The following NPHP4 variants were observed in gnomAD, a reference collection of about 807,000 sequenced individuals.
The protein encoded by NPHP4 is nephrocystin 4, also known as nephrocystin-4.
In NPHP4, 151 loss-of-function variants were observed where a neutral mutation model predicts 155.8. The ratio of observed to expected loss-of-function variants is 0.97; its 90% confidence interval spans 0.85 to 1.11. NPHP4 has a LOEUF of 1.11. Among genes scored for constraint, NPHP4 ranks in the 50% least tolerant of loss-of-function variants. The pLI is 0.00. For synonymous variants in NPHP4, 845 were observed against 816.8 expected, an observed-to-expected ratio of 1.03 and a Z score of -0.59; for missense variants, 1,956 against 1,925.7, an observed-to-expected ratio of 1.02 and a Z score of -0.29.
chr1:5,914,636 C>T (rs1645368369), intron 11 of NPHP4, among the ~76,000 whole-genome samples: 2 of 152,186 alleles, frequency 1.3e-5, no homozygotes, highest in Admixed American at 1.3e-4. Context: ...CTTTACTTTC[C>T]CACGTCCATA....
intron 20 of NPHP4, among the ~76,000 whole-genome samples, chr1:5,875,351 G>A (rs997610399): frequency 6.6e-6 from 1 of 152,148 alleles, no homozygotes; most frequent in Non-Finnish European, 1.5e-5. Flanking sequence ...CAGCATCCCT[G>A]CCTATTCCTG....
intron 1 of NPHP4, among the ~76,000 whole-genome samples, chr1:5,989,115 C>G (rs887223883): frequency 6.6e-6 from 1 of 152,182 alleles, no homozygotes; most frequent in Non-Finnish European, 1.5e-5. Context: ...ATGGCCCACA[C>G]TGAGCCATCA....
chr1:5,985,041 T>G (rs922075542), intron 2 of NPHP4, among the ~76,000 whole-genome samples: 7 of 152,136 alleles, frequency 4.6e-5, no homozygotes, highest in African/African-American at 1.7e-4. Flanking sequence ...GAAGTAAAGC[T>G]ACAAAAGCAG....
At chr1:5,879,916 T>G (rs1643083029) in intron 19 of NPHP4, among the ~76,000 whole-genome samples, 198 bp downstream of exon 19, 1 of 143,524 alleles carries the variant, frequency 7.0e-6, no homozygotes, top group African/African-American at 2.7e-5. Flanking sequence ...GCCTTCCACC[T>G]CTCACACGCC....
chr1:5,892,339 C>T lies in NPHP4; in HGVS notation c.2144-1311G>A, dbSNP rs1436267656. On this transcript the variant is annotated intron_variant, in intron 16 of 29. Transcript: ENST00000378156. This position sits in a 1 kb window ranked among gnomAD's most constrained non-coding sequence, Gnocchi z 4.5. ...GAGCCTAGACCAGGATGGCCCCGTG[C>T]CTAGCATGCTCCTGCCCCCCACTCC... 6.6e-6 allele frequency among the ~76,000 whole-genome samples: 1 copy of T among 152,092 alleles called. No individual in the cohort carries two copies. The highest frequency in any genetic ancestry group is 2.4e-5 in the African/African-American group (1 of 41,412).
In NPHP4 at chr1:5,907,165, T is replaced by C. The variant is rs1254495204; in HGVS notation, c.1561A>G (p.Arg521Gly). The C allele has an allele frequency of 1.9e-6, 3 of 1,589,334 alleles. No individual in the cohort carries two copies. The highest frequency in any genetic ancestry group is 2.6e-6 in the Non-Finnish European group (3 of 1,167,362). ...PRSPTQHCLARPTSQLPHGSQ... is the reference protein window; with the variant it reads ...PRSPTQHCLAGPTSQLPHGSQ... ...CCATGGGGTAGCTGTGAAGTAGGCC[T>C]GGCCAAGCAGTGCTGAGTCGGGGAC... is the stretch of plus-strand genomic sequence containing the variant. Residue 521 changes from arginine (R) to glycine (G), a missense_variant, in exon 13 of 30, where the codon AGG becomes GGG. Arg to Gly is a moderately radical substitution (Grantham distance 125). Coordinates refer to ENST00000378156, the MANE Select transcript of NPHP4 (RefSeq NM_015102.5).
rs764183442 is a variant in NPHP4 at position 5,887,382 on chromosome 1, CCAT to C, written c.2386_2388del (p.Met796del). The C allele has an allele frequency of 2.5e-6, 4 of 1,613,466 alleles. No individual in the cohort carries two copies. The highest frequency in any genetic ancestry group is 1.7e-5 in the Admixed American group (1 of 60,014). ...AACCCCAGCATGTCTCCACTCACCA[CCAT>C]GTTGTCCTGCTCGTATTCAGTTGCC... On this transcript the variant is annotated inframe_deletion, in exon 18 of 30. Transcript: ENST00000378156.
chr1:5,968,332 C>T (rs1208269526), intron 4 of NPHP4, among the ~76,000 whole-genome samples: 2 of 152,074 alleles, frequency 1.3e-5, no homozygotes, highest in Admixed American at 6.5e-5. Context: ...CCGGACACAG[C>T]GGCTCACGTC....
chr1:5,908,557 G>A (rs753733098), intron 12 of NPHP4, among the ~76,000 whole-genome samples: 9 of 152,222 alleles, frequency 5.9e-5, no homozygotes, highest in Non-Finnish European at 1.2e-4. Context: ...CGGGACTCCA[G>A]AACGGCAGCC....
At chr1:5,966,249 T>C (rs1651479429) in intron 5 of NPHP4, among the ~76,000 whole-genome samples, 1 of 152,108 alleles carries the variant, frequency 6.6e-6, no homozygotes, top group Admixed American at 6.5e-5. Context: ...TTTGACGTTT[T>C]GTTTTGTTTT....
At chr1:5,893,319 T>A (rs920602699) in intron 16 of NPHP4, among the ~76,000 whole-genome samples, 5 of 152,022 alleles carry the variant, frequency 3.3e-5, no homozygotes, top group African/African-American at 1.2e-4. Flanking sequence ...TGGCCCCGAA[T>A]GTCTGGTTGC....
chr1:5,988,981 G>A (rs912799555), intron 1 of NPHP4, among the ~76,000 whole-genome samples: 1 of 152,210 alleles, frequency 6.6e-6, no homozygotes, highest in Non-Finnish European at 1.5e-5. Flanking sequence ...TTTGTTCTCT[G>A]TGGGCTATTT....
At chr1:5,971,132 G>A (rs1652482605) in intron 3 of NPHP4, among the ~76,000 whole-genome samples, 1 of 152,176 alleles carries the variant, frequency 6.6e-6, no homozygotes, top group Admixed American at 6.5e-5. Flanking sequence ...CAGCCTAGAG[G>A]TCACCCTGAA....
chr1:5,971,128 A>G (rs1224536918), intron 3 of NPHP4, among the ~76,000 whole-genome samples: 1 of 152,246 alleles, frequency 6.6e-6, no homozygotes, highest in African/African-American at 2.4e-5. Flanking sequence ...CTGCCAGCCT[A>G]GAGGTCACCC....
At chr1:5,964,820 A>G (rs1404550774) in intron 5 of NPHP4, among the ~76,000 whole-genome samples, 1 of 149,802 alleles carries the variant, frequency 6.7e-6, no homozygotes, top group Non-Finnish European at 1.5e-5. Context: ...GGGATGGGGA[A>G]AGGAGACCTC....
rs1642374728 is a variant in NPHP4, at chr1:5,874,639, C to T, written c.3063G>A (p.Gln1021=). The T allele has an allele frequency of 1.2e-6, 2 of 1,612,080 alleles. No homozygotes were observed. The change falls in exon 22 of 30, where the codon CAG becomes CAA. Residue 1021 remains glutamine, a synonymous_variant. Coordinates refer to ENST00000378156, the MANE Select transcript of NPHP4 (RefSeq NM_015102.5). ...CAGCACCCTTGAAGTCCCTCCACTC[C>T]TGACTGTCCACGATGACGCTGGGGG... is the stretch of plus-strand genomic sequence containing the variant. ...NPELSVIVDS[Q]EWRDFKGAAG... is the part of the protein sequence containing the mutation.
At chr1:5,961,591 C>T (rs1650322328) in intron 6 of NPHP4, among the ~76,000 whole-genome samples, 1 of 152,124 alleles carries the variant, frequency 6.6e-6, no homozygotes, top group Non-Finnish European at 1.5e-5. Context: ...GGATGTGAGA[C>T]ACTATTTAGG....
At chr1:5,940,717 C>A (rs895955547) in intron 9 of NPHP4, among the ~76,000 whole-genome samples, 72 of 151,972 alleles carry the variant, frequency 4.7e-4, no homozygotes, top group Non-Finnish European at 8.8e-5. Flanking sequence ...AAATTAAATA[C>A]CCATGAAAAA....
chr1:5,889,863 C>T lies in NPHP4; in HGVS notation c.2304+1005G>A, dbSNP rs755108396. Among the ~76,000 whole-genome samples the T allele has an allele frequency of 6.6e-6, 1 of 152,226 alleles. No homozygotes were observed. Among genetic ancestry groups the T allele is most frequent in the Admixed American group, 6.5e-5 (1 of 15,288 alleles). ...TGCCACCTGCAGACCCCACCCTGAA[C>T]GTTCTGTGCACAGCCCACCACCCTG... is the stretch of plus-strand genomic sequence containing the variant. On this transcript the variant is annotated intron_variant, in intron 17 of 29. Coordinates refer to ENST00000378156, the MANE Select transcript of NPHP4 (RefSeq NM_015102.5). The surrounding 1 kb of genome is among the most constrained non-coding windows in gnomAD (Gnocchi z 4.2).
Sources: gnomAD v4.1 joint callset for allele counts (sites outside exome capture counted in the v4.1 genomes callset) on GRCh38, gnomAD v4.1.1 for gene constraint, Gnocchi (gnomAD v3.1) non-coding constraint, MANE v1.5 for transcripts, NCBI Gene and HGNC (gene_info 2026-07-23, HGNC 2026-07-21) for gene names.